The following NLE1 variants were observed in gnomAD, a reference collection of about 807,000 sequenced individuals.
NLE1 encodes notchless homolog 1.
NLE1 carries 37 observed loss-of-function variants against 62.8 expected under a neutral mutation model. The observed-to-expected ratio is 0.59, with a 90% CI of 0.45 to 0.78. The LOEUF (loss-of-function observed/expected upper bound fraction) is 0.78, where lower values mean the gene tolerates loss of function less well. Ranked by LOEUF, NLE1 falls within the 30% of genes least tolerant of loss-of-function variation. NLE1 has a pLI of 0.00. For synonymous variants in NLE1, 243 were observed against 253.0 expected (o/e 0.96, Z 0.37); for missense variants, 555 against 637.9 (o/e 0.87, Z 1.40).
chr17:35,139,734 G>A, intron 3 of NLE1, 115 bp downstream of exon 3: 2 of 1,427,568 alleles, frequency 1.4e-6, no homozygotes, highest in Non-Finnish European at 1.9e-6. Flanking sequence ...CAGAGCTTGG[G>A]TCTATGGTAG....
At chr17:35,133,753 A>G (rs1052639249) in intron 10 of NLE1, among the ~76,000 whole-genome samples, 7 of 152,084 alleles carry the variant, frequency 4.6e-5, no homozygotes, top group African/African-American at 1.4e-4. Context: ...TACCTGCACA[A>G]CTTTGCATGC....
At chr17:35,141,925 C>T (rs1471626698) in intron 2 of NLE1, 54 bp downstream of exon 2, 2 of 1,525,512 alleles carry the variant, frequency 1.3e-6, no homozygotes, top group African/African-American at 1.4e-5. Flanking sequence ...TATGATTCCC[C>T]CACCGCATCC....
At chr17:35,135,190 G>A in intron 10 of NLE1, 59 bp downstream of exon 10, 1 of 1,545,132 alleles carries the variant, frequency 6.5e-7, no homozygotes, top group Middle Eastern at 1.7e-4. Flanking sequence ...GTAAGTGGCA[G>A]TGCCAAGCCC....
At chr17:35,138,633 G>A (rs548415596) in intron 4 of NLE1, among the ~76,000 whole-genome samples, 4 of 152,240 alleles carry the variant, frequency 2.6e-5, no homozygotes, top group South Asian at 2.1e-4. Context: ...TAGTAGAGAT[G>A]GGGTTTCACT....
In NLE1 at chr17:35,139,911, G is replaced by A. The variant is rs1283554159; in HGVS notation, c.318C>T (p.Cys106=). The A allele has an allele frequency of 1.9e-6, 3 of 1,614,110 alleles. No individual in the cohort carries two copies. Among genetic ancestry groups the A allele is most frequent in the Admixed American group, 1.7e-5 (1 of 60,030 alleles). Residue 106 remains cysteine, a synonymous_variant, in exon 3 of 13, where the codon TGC becomes TGT. Coordinates refer to ENST00000442241, the MANE Select transcript of NLE1 (RefSeq NM_018096.5). ...CACTGTGACCCTCCAAGGAGCTGGTGCAGCGAGTCACAGCCCGGACTCTGA... is the reference window on the plus strand; with the variant it reads ...CACTGTGACCCTCCAAGGAGCTGGTACAGCGAGTCACAGCCCGGACTCTGA... ...AIFRVRAVTR[C]TSSLEGHSEA... is the part of the protein sequence containing the mutation.
chr17:35,129,721 C>G lies in NLE1; in HGVS notation c.*2716G>C. The G allele has an allele frequency of 6.4e-7, 1 of 1,569,008 alleles. No individual in the cohort carries two copies. Among genetic ancestry groups the G allele is most frequent in the Non-Finnish European group, 8.6e-7 (1 of 1,157,830 alleles). On this transcript the variant is annotated 3_prime_UTR_variant, in exon 13 of 13. Coordinates refer to ENST00000442241, the MANE Select transcript of NLE1 (RefSeq NM_018096.5). ...GAAGTCCAAAGCCAGGGAACCAGGG[C>G]TTTGGAGGTTGGGAACACCCCTATG... is the stretch of plus-strand genomic sequence containing the variant.
Position 35,137,124 on chromosome 17 carries a change from T to C in NLE1, c.705A>G (p.Ala235=), listed in dbSNP as rs748945349. 1.9e-6 allele frequency: 3 copies of C among 1,613,882 alleles called. No individual in the cohort carries two copies. The South Asian group carries it at 3.3e-5, about 18-fold the overall frequency. ...DGSVRIWDTT[A]GRCERILTGH... Reference sequence around the variant, plus strand: ...CGGTGAGGATGCGCTCACAGCGGCCTGCAGTTGTGTCCCAGATCCGCACAC... The same window carrying C: ...CGGTGAGGATGCGCTCACAGCGGCCCGCAGTTGTGTCCCAGATCCGCACAC... Residue 235 remains alanine (A), a synonymous_variant, in exon 7 of 13, where the codon GCA becomes GCG. Transcript: ENST00000442241.
Position 35,132,405 on chromosome 17 carries a change from G to A in NLE1, c.*32C>T, listed in dbSNP as rs116306465. 820 of 1,442,786 alleles carry A rather than the reference G, an allele frequency of 5.7e-4. 1 individual carries two copies. Among genetic ancestry groups the A allele is most frequent in the South Asian group, 1.5e-3 (98 of 64,004 alleles). 89.4% of individuals were successfully genotyped at this position (1,442,786 alleles called of 1,614,324 possible). A position where few individuals can be genotyped will look rare whatever the true frequency, so the allele number is the denominator to read the frequency against. On this transcript the variant is annotated 3_prime_UTR_variant, in exon 13 of 13. Transcript: ENST00000442241. ...GAAGGCAGCTGGCAGAGGCCGAGTC[G>A]AGGTGGGGGTCAGAGAGAACTTCGG... is the stretch of plus-strand genomic sequence containing the variant.
chr17:35,142,236 G>GC (rs1261772373), intron 1 of NLE1, 22 bp downstream of exon 1: 1 of 1,550,286 alleles, frequency 6.5e-7, no homozygotes, highest in East Asian at 2.4e-5. Flanking sequence ...GACGCCCCCC[G>GC]CCCCCATCCA....
chr17:35,129,856 G>C lies in NLE1; in HGVS notation c.*2581C>G. The stretch of plus-strand genomic sequence containing the variant: ...GATTAAGCCACTCTGGGGCCCACTA[G>C]GAATGCAAACGAATGTATTTTTCAA... On this transcript the variant is annotated 3_prime_UTR_variant, in exon 13 of 13. Transcript: ENST00000442241. The C allele has an allele frequency of 1.4e-6, 2 of 1,422,828 alleles. No homozygotes were observed. The highest frequency in any genetic ancestry group is 1.8e-6 in the Non-Finnish European group (2 of 1,092,834). The allele number at this position is 1,422,828 out of a possible 1,614,324, so 88.1% of individuals were successfully genotyped here.
Position 35,130,246 on chromosome 17 carries a change from G to A in NLE1, c.*2191C>T. On this transcript the variant is annotated 3_prime_UTR_variant, in exon 13 of 13. Transcript: ENST00000442241. The stretch of plus-strand genomic sequence containing the variant: ...GAGAGAGAGCCAGGTTCAGATCTGG[G>A]AAGGAACTCTGAAGGGTTTTCTTGT... 6.2e-7 allele frequency: 1 copy of A among 1,607,024 alleles called. No homozygotes were observed. Among genetic ancestry groups the A allele is most frequent in the Non-Finnish European group, 8.5e-7 (1 of 1,175,834 alleles).
rs1173971760 is a variant in NLE1, at chr17:35,137,615, C to G, written c.563G>C (p.Gly188Ala). 3.4e-5 allele frequency: 55 copies of G among 1,610,596 alleles called. No individual in the cohort carries two copies. Among genetic ancestry groups the G allele is most frequent in the Non-Finnish European group, 4.7e-5 (55 of 1,179,990 alleles). ...AGCGAGGGTCCTGCCCACCTGCTTC[C>G]CTGTGCTTGGGTCCCAGAGGAGAAT... is the stretch of plus-strand genomic sequence containing the variant. ...GQILLWDPST[G>A]KQVGRTLAGH... The change falls in exon 6 of 13, where the codon GGG (glycine) becomes GCG (alanine). Residue 188 changes from glycine (G) to alanine (A), a missense_variant. By Grantham distance (60) the Gly-to-Ala change is moderately conservative (BLOSUM62 0). Transcript: ENST00000442241.
rs913334786 is a variant in NLE1, at chr17:35,130,169, G to C, written c.*2268C>G. On this transcript the variant is annotated 3_prime_UTR_variant, in exon 13 of 13. Coordinates refer to ENST00000442241, the MANE Select transcript of NLE1 (RefSeq NM_018096.5). ...CTGCGTCAATGGCTAGGTTGGATAA[G>C]GCTGTTTAAGGTCTGAGTCAGCAGA... 6 of 1,485,646 alleles carry C rather than the reference G, an allele frequency of 4.0e-6. No individual in the cohort carries two copies. Among genetic ancestry groups the C allele is most frequent in the Non-Finnish European group, 5.4e-6 (6 of 1,121,066 alleles). The allele number at this position is 1,485,646 out of a possible 1,614,324, so 92.0% of individuals were successfully genotyped here.
intron 9 of NLE1, among the ~76,000 whole-genome samples, chr17:35,135,834 C>T (rs2091905206): frequency 6.6e-6 from 1 of 152,108 alleles, no homozygotes; most frequent in Non-Finnish European, 1.5e-5. Context: ...ACTGGTGGCA[C>T]TGGATGCTAC....
In NLE1 at chr17:35,136,149, C is replaced by A. The variant is rs377538995; in HGVS notation, c.1011+20G>T. Reference sequence around the variant, plus strand: ...GGACTGGTACAGAGCTAGGGGTGCACGTGGCTGGCACACACTCACCCGCAC... The same window carrying A: ...GGACTGGTACAGAGCTAGGGGTGCAAGTGGCTGGCACACACTCACCCGCAC... On this transcript the variant is annotated intron_variant, in intron 9 of 12. Coordinates refer to ENST00000442241, the MANE Select transcript of NLE1 (RefSeq NM_018096.5). 20 of 1,613,496 alleles carry A rather than the reference C, an allele frequency of 1.2e-5. No individual in the cohort carries two copies. The highest frequency in any genetic ancestry group is 1.7e-5 in the Non-Finnish European group (20 of 1,179,610).
At position 35,135,372 on chromosome 17, in the gene NLE1, G is replaced by A. The variant is rs1276043693; in HGVS notation, c.1091C>T (p.Pro364Leu). 1 of 1,614,220 alleles carries A rather than the reference G, an allele frequency of 6.2e-7. No individual in the cohort carries two copies. Among genetic ancestry groups the A allele is most frequent in the East Asian group, 2.2e-5 (1 of 44,888 alleles). ...FLWSPAEDKK[P>L]LTRMTGHQAL... The stretch of plus-strand genomic sequence containing the variant: ...TTGGTGTCCTGTCATCCGAGTGAGA[G>A]GCTTTTTGTCCTCTGCTGGGGACCA... Residue 364 changes from proline (P) to leucine (L), a missense_variant, in exon 10 of 13, where the codon CCT becomes CTT. Transcript: ENST00000442241.
intron 4 of NLE1, 113 bp downstream of exon 4, chr17:35,139,122 C>G: frequency 1.2e-6 from 1 of 862,430 alleles, no homozygotes; most frequent in Non-Finnish European, 1.8e-6. Context: ...AAGGCTTGAG[C>G]CCAGGAGTTC....
chr17:35,137,430 C>A, intron 6 of NLE1, 113 bp downstream of exon 6: 1 of 934,630 alleles, frequency 1.1e-6, no homozygotes, highest in South Asian at 1.5e-5. Context: ...CCATCACGGT[C>A]ATTCAGGCTG....
In NLE1 at chr17:35,136,376, T is replaced by C; in HGVS notation, c.950A>G (p.Asp317Gly). ...EPAEASVNPQ[D>G]LQGSLQELKE... ...CAATCACTCACAGGATCCTTGGAGG[T>C]CTTGGGGATTAACTGAGGCCTCAGC... The change falls in exon 8 of 13, where the codon GAC becomes GGC. Residue 317 changes from aspartate (D) to glycine (G), a missense_variant. By Grantham distance (94) the Asp-to-Gly change is moderately conservative. Coordinates refer to ENST00000442241, the MANE Select transcript of NLE1 (RefSeq NM_018096.5). The C allele has an allele frequency of 6.2e-7, 1 of 1,613,234 alleles. No individual in the cohort carries two copies. Among genetic ancestry groups the C allele is most frequent in the Non-Finnish European group, 8.5e-7 (1 of 1,179,376 alleles).
Sources: gnomAD v4.1 joint callset for allele counts (sites outside exome capture counted in the v4.1 genomes callset) on GRCh38, gnomAD v4.1.1 for gene constraint, MANE v1.5 for transcripts, NCBI Gene and HGNC (gene_info 2026-07-23, HGNC 2026-07-21) for gene names.